Variants in MDGA2 observed in about 807,000 individuals in gnomAD.
MDGA2 encodes MAM domain-containing glycosylphosphatidylinositol anchor protein 2.
In MDGA2, 40 loss-of-function variants were observed where a neutral mutation model predicts 117.8. The ratio of observed to expected loss-of-function variants is 0.34; its 90% CI spans 0.26 to 0.44. The LOEUF (loss-of-function observed/expected upper bound fraction) is 0.44. Ranked by LOEUF, MDGA2 falls within the 20% of genes least tolerant of loss-of-function variation. MDGA2 has a pLI of 1.00. For missense variants in MDGA2, 1,123 were observed against 1,250.6 expected, an observed-to-expected ratio of 0.90 and a Z score of 1.54; for synonymous variants, 452 against 439.0, an observed-to-expected ratio of 1.03 and a Z score of -0.37.
intron 8 of MDGA2, among the ~76,000 whole-genome samples, chr14:47,006,496 C>A (rs1055814061): frequency 1.3e-4 from 19 of 148,760 alleles, no homozygotes; most frequent in African/African-American, 4.2e-4. Flanking sequence ...AAAGAGTGAA[C>A]AGAATTCCAG....
intron 1 of MDGA2, among the ~76,000 whole-genome samples, chr14:47,517,451 C>T (rs989371013): frequency 6.6e-6 from 1 of 151,902 alleles, no homozygotes; most frequent in African/African-American, 2.4e-5. Context: ...TAAGTTATAA[C>T]TTCCAAAAAT....
At position 46,957,582 on chromosome 14, in the gene MDGA2, A is replaced by G; in HGVS notation, c.1881T>C (p.Thr627=). 1 of 1,614,154 alleles carries G rather than the reference A, an allele frequency of 6.2e-7. No individual in the cohort carries two copies. The highest frequency in any genetic ancestry group is 8.5e-7 in the Non-Finnish European group (1 of 1,180,014). The stretch of plus-strand genomic sequence containing the variant: ...AGGCTCTCAGTACTCTGCAACTCAT[A>G]GTGACACTTCGATCCTGTCCTTGCC... ...EIRQGQDRSV[T]MSCRVLRAYP... The change falls in exon 9 of 17, where the codon ACT becomes ACC. Residue 627 remains threonine (T), a synonymous_variant. Coordinates refer to ENST00000399232, the MANE Select transcript of MDGA2 (RefSeq NM_001113498.3).
chr14:47,437,782 G>A (rs1892927473), intron 1 of MDGA2, among the ~76,000 whole-genome samples: 1 of 152,112 alleles, frequency 6.6e-6, no homozygotes, highest in African/African-American at 2.4e-5. Flanking sequence ...TGCAAATTTT[G>A]GTATTTCAGT....
intron 6 of MDGA2, among the ~76,000 whole-genome samples, chr14:47,090,807 T>C (rs1879607835): frequency 6.6e-6 from 1 of 152,226 alleles, no homozygotes; most frequent in African/African-American, 2.4e-5. Context: ...GAGACAAGAA[T>C]GAGAGAGAGA....
At chr14:47,047,392 C>T (rs1889302780) in intron 7 of MDGA2, among the ~76,000 whole-genome samples, 5 of 152,036 alleles carry the variant, frequency 3.3e-5, no homozygotes, top group Admixed American at 3.3e-4. Flanking sequence ...GAAAAAATGG[C>T]ACAATGCTCA....
intron 8 of MDGA2, among the ~76,000 whole-genome samples, chr14:47,025,174 T>C (rs1888428532): frequency 1.3e-5 from 2 of 152,128 alleles, no homozygotes; most frequent in Non-Finnish European, 1.5e-5. Context: ...AAAGAGTAGG[T>C]GCAATTAAAG....
chr14:47,178,787 G>T (rs1302470039), intron 3 of MDGA2, among the ~76,000 whole-genome samples: 4 of 152,082 alleles, frequency 2.6e-5, no homozygotes, highest in Non-Finnish European at 5.9e-5. Context: ...AACTCAGTCA[G>T]AAATAGCAAC....
chr14:47,675,243 C>G lies in MDGA2; in HGVS notation c.-447G>C, dbSNP rs1185494240. Among the ~76,000 whole-genome samples the G allele has an allele frequency of 6.6e-6, 1 of 152,122 alleles. No homozygotes were observed. The highest frequency in any genetic ancestry group is 1.5e-5 in the Non-Finnish European group (1 of 68,018). ...CCAGCCCTGCTGTCTTGCCTTCCCC[C>G]ATTCCATCAGTTGCCATTGCAACGC... On this transcript the variant is annotated 5_prime_UTR_variant, in exon 1 of 17. It removes an upstream start codon present in the reference 5' UTR. Transcript: ENST00000399232.
chr14:47,093,417 G>A (rs922025601), intron 6 of MDGA2, among the ~76,000 whole-genome samples: 15 of 152,126 alleles, frequency 9.9e-5, no homozygotes, highest in African/African-American at 1.7e-4. Flanking sequence ...TAAATAGAAC[G>A]AATCATGAAA....
At chr14:47,036,248 C>T (rs1274993097) in intron 7 of MDGA2, among the ~76,000 whole-genome samples, 10 of 117,470 alleles carry the variant, frequency 8.5e-5, no homozygotes, top group East Asian at 2.7e-4. Flanking sequence ...CCAGCCTGGG[C>T]GACAGAGCCA....
intron 1 of MDGA2, among the ~76,000 whole-genome samples, chr14:47,459,481 T>C (rs1893436753): frequency 6.6e-6 from 1 of 150,786 alleles, no homozygotes; most frequent in Non-Finnish European, 1.5e-5. Flanking sequence ...TCCTTTCCCT[T>C]CCTTCCTTCC....
chr14:46,952,952 A>T (rs1241424845), intron 9 of MDGA2, among the ~76,000 whole-genome samples: 1 of 151,956 alleles, frequency 6.6e-6, no homozygotes, highest in Non-Finnish European at 1.5e-5. Context: ...ACTTAAGATA[A>T]GCTAGGTTTT....
chr14:47,034,632 T>C (rs1888774555), intron 8 of MDGA2, among the ~76,000 whole-genome samples: 1 of 152,056 alleles, frequency 6.6e-6, no homozygotes, highest in Non-Finnish European at 1.5e-5. Flanking sequence ...CAAACATGTA[T>C]TACAACCTGA....
intron 3 of MDGA2, among the ~76,000 whole-genome samples, chr14:47,179,983 G>A (rs1331408070): frequency 1.3e-5 from 2 of 150,676 alleles, no homozygotes; most frequent in African/African-American, 4.9e-5. Flanking sequence ...TAATAAATTT[G>A]ACTTATTTAC....
At chr14:47,309,055 AAC>A (rs1889551484) in intron 1 of MDGA2, among the ~76,000 whole-genome samples, 1 of 152,154 alleles carries the variant, frequency 6.6e-6, no homozygotes, top group African/African-American at 2.4e-5. Context: ...CATGAACATA[AAC>A]ACATATCCAA....
rs576258474 is a variant in MDGA2, at chr14:47,334,157, T to C, written c.281-32607A>G. On this transcript the variant is annotated intron_variant, in intron 1 of 16. Coordinates refer to ENST00000399232, the MANE Select transcript of MDGA2 (RefSeq NM_001113498.3). ...AAAGCAAAAAACCTTCTTGGCTTTT[T>C]TGTGGTGCTCTACAGCACAGACTTA... 4.6e-5 allele frequency among the ~76,000 whole-genome samples: 7 copies of C among 151,972 alleles called. No homozygotes were observed. The South Asian group carries it at 1.5e-3, about 32-fold the overall frequency.
intron 1 of MDGA2, among the ~76,000 whole-genome samples, chr14:47,554,100 T>C (rs1895639538): frequency 6.6e-6 from 1 of 152,236 alleles, no homozygotes; most frequent in African/African-American, 2.4e-5. Context: ...TTTGATTCTC[T>C]GGATGCCTAT....
chr14:46,974,084 A>T (rs766062421), intron 8 of MDGA2, among the ~76,000 whole-genome samples: 3 of 151,186 alleles, frequency 2.0e-5, no homozygotes, highest in Non-Finnish European at 4.4e-5. Context: ...TTTGAAAAAG[A>T]AATTACAAAA....
At chr14:46,865,322 C>G (rs1881705926) in intron 14 of MDGA2, among the ~76,000 whole-genome samples, 2 of 152,068 alleles carry the variant, frequency 1.3e-5, no homozygotes, top group African/African-American at 2.4e-5. Context: ...CAGAAAAGGC[C>G]TTTGACAAAA....
Sources: gnomAD v4.1 joint callset for allele counts (sites outside exome capture counted in the v4.1 genomes callset) on GRCh38, gnomAD v4.1.1 for gene constraint, MANE v1.5 for transcripts, NCBI Gene and HGNC (gene_info 2026-07-23, HGNC 2026-07-21) for gene names.